Variants in SLC39A11 observed in about 807,000 individuals in gnomAD.
SLC39A11 encodes the protein zinc transporter ZIP11.
A neutral mutation model predicts 36.1 loss-of-function variants in SLC39A11; 33 were observed. That is an observed-to-expected ratio of 0.91 (90% CI 0.69 to 1.22). SLC39A11 has a LOEUF of 1.22. SLC39A11 is among the 50% of genes most tolerant of loss of function. The pLI, the probability that SLC39A11 is intolerant of heterozygous loss-of-function variation, is 0.00. For synonymous variants in SLC39A11, 166 were observed against 170.3 expected, an observed-to-expected ratio of 0.97 and a Z score of 0.20; for missense variants, 432 against 430.3, an observed-to-expected ratio of 1.00 and a Z score of -0.03.
At chr17:72,785,380 A>C (rs569170726) in intron 6 of SLC39A11, among the ~76,000 whole-genome samples, 9 of 152,278 alleles carry the variant, frequency 5.9e-5, no homozygotes, top group Admixed American at 2.0e-4. Flanking sequence ...AACCCAGAGA[A>C]AGAGTCGGGA....
At chr17:72,778,322 C>T (rs2076202154) in intron 6 of SLC39A11, among the ~76,000 whole-genome samples, 1 of 152,200 alleles carries the variant, frequency 6.6e-6, no homozygotes, top group African/African-American at 2.4e-5. Flanking sequence ...TCAGGAGGCC[C>T]CGGTCTCAGC....
intron 3 of SLC39A11, among the ~76,000 whole-genome samples, chr17:73,057,314 T>A (rs934406275): frequency 9.2e-5 from 14 of 152,144 alleles, no homozygotes; most frequent in African/African-American, 3.4e-4. Context: ...ATTAAATGAA[T>A]CAAACATTGC....
chr17:72,983,058 C>G (rs898230429), intron 4 of SLC39A11, among the ~76,000 whole-genome samples: 3 of 152,158 alleles, frequency 2.0e-5, no homozygotes, highest in Non-Finnish European at 2.9e-5. Flanking sequence ...AAATGCCCCT[C>G]AACAGGGAAC....
chr17:72,783,145 AGATTCTCACCAGAAAGCAGAT>A (rs1352038095), intron 6 of SLC39A11, among the ~76,000 whole-genome samples: 1 of 120,990 alleles, frequency 8.3e-6, no homozygotes, highest in African/African-American at 2.8e-5. Context: ...ACCAGAAAGC[AGATTCTCACCAGAAAGCAGAT>A]GATTCTCACC....
At chr17:72,692,896 A>C (rs576818860) in intron 7 of SLC39A11, among the ~76,000 whole-genome samples, 17 of 152,294 alleles carry the variant, frequency 1.1e-4, no homozygotes, top group African/African-American at 3.8e-4. Context: ...ACTCACTCTC[A>C]TCTGGACGGG....
chr17:72,832,075 G>C (rs1466297155), intron 6 of SLC39A11, among the ~76,000 whole-genome samples: 1 of 152,184 alleles, frequency 6.6e-6, no homozygotes, highest in Non-Finnish European at 1.5e-5. Context: ...CAAGATATAA[G>C]ACAAAATGAA....
At chr17:72,987,241 T>C (rs563306315) in intron 4 of SLC39A11, among the ~76,000 whole-genome samples, 4 of 152,228 alleles carry the variant, frequency 2.6e-5, no homozygotes, top group Admixed American at 6.5e-5. Flanking sequence ...AAGCAGATGC[T>C]GGCACTATGC....
chr17:72,757,525 T>C (rs1181190252), intron 6 of SLC39A11, among the ~76,000 whole-genome samples: 1 of 151,466 alleles, frequency 6.6e-6, no homozygotes, highest in African/African-American at 2.4e-5. Context: ...ACAGTTTCGG[T>C]TGTGGGACGG....
intron 4 of SLC39A11, among the ~76,000 whole-genome samples, chr17:73,004,227 G>GA (rs1203968791): frequency 0.081 from 7,497 of 92,092 alleles, 793 homozygotes; most frequent in East Asian, 0.14. Context: ...AAGAAAGAAA[G>GA]AAAGAAAAGA....
intron 4 of SLC39A11, among the ~76,000 whole-genome samples, chr17:72,981,527 G>A (rs2088300116): frequency 7.0e-6 from 1 of 143,278 alleles, no homozygotes; most frequent in Admixed American, 7.3e-5. Context: ...TACCAAAATA[G>A]ATTATTTTAA....
chr17:72,699,326 T>C (rs1468853135), intron 7 of SLC39A11, among the ~76,000 whole-genome samples: 2 of 152,222 alleles, frequency 1.3e-5, no homozygotes, highest in Non-Finnish European at 2.9e-5. Context: ...AGTTTATGAA[T>C]TTGTGTTAGG....
chr17:72,665,267 T>A (rs2070677834), intron 7 of SLC39A11, among the ~76,000 whole-genome samples: 1 of 151,888 alleles, frequency 6.6e-6, no homozygotes, highest in Non-Finnish European at 1.5e-5. Flanking sequence ...AGCTGACCTC[T>A]CTTGATTGCC....
intron 6 of SLC39A11, among the ~76,000 whole-genome samples, chr17:72,745,152 G>A (rs1220787984): frequency 6.6e-6 from 1 of 152,194 alleles, no homozygotes; most frequent in Non-Finnish European, 1.5e-5. Context: ...TCACATTTTT[G>A]AGAAACACAA....
intron 3 of SLC39A11, among the ~76,000 whole-genome samples, chr17:73,083,635 A>C (rs1343695363): frequency 6.6e-6 from 1 of 152,256 alleles, no homozygotes; most frequent in South Asian, 2.1e-4. Context: ...CTGAGGAACA[A>C]GTTAGGCAGC....
At chr17:72,931,289 G>A (rs1489277804) in intron 5 of SLC39A11, among the ~76,000 whole-genome samples, 1 of 152,202 alleles carries the variant, frequency 6.6e-6, no homozygotes, top group African/African-American at 2.4e-5. Flanking sequence ...TAACCAAGTC[G>A]AGAAGTACTG....
At chr17:72,903,031 C>A (rs2082473753) in intron 5 of SLC39A11, among the ~76,000 whole-genome samples, 1 of 152,026 alleles carries the variant, frequency 6.6e-6, no homozygotes, top group African/African-American at 2.4e-5. Flanking sequence ...CTTTGGGAGG[C>A]CAAGGTAAGT....
intron 6 of SLC39A11, chr17:72,819,122 T>C (rs2077683551): frequency 6.6e-6 from 1 of 151,690 alleles, no homozygotes; most frequent in Admixed American, 6.6e-5. Flanking sequence ...TGTGAACTTA[T>C]TTGGAAATTG....
intron 7 of SLC39A11, among the ~76,000 whole-genome samples, chr17:72,706,350 T>C (rs1383632255): frequency 6.6e-6 from 1 of 152,240 alleles, no homozygotes; most frequent in Admixed American, 6.5e-5. Flanking sequence ...CTTGATTTTC[T>C]GTCTCATATA....
intron 3 of SLC39A11, chr17:73,072,441 G>A (rs1229360041): frequency 6.6e-6 from 1 of 152,206 alleles, no homozygotes; most frequent in Non-Finnish European, 1.5e-5. Context: ...ATACACGTGG[G>A]CTCATGCGTC....
Sources: gnomAD v4.1 joint callset for allele counts (sites outside exome capture counted in the v4.1 genomes callset) on GRCh38, gnomAD v4.1.1 for gene constraint, MANE v1.5 for transcripts, NCBI Gene and HGNC (gene_info 2026-07-23, HGNC 2026-07-21) for gene names.